Variants in ATP10B observed in about 807,000 individuals in gnomAD.
The protein encoded by ATP10B is phospholipid-transporting ATPase VB.
In ATP10B, 122 loss-of-function variants were observed where a neutral mutation model predicts 141.2. The ratio of observed to expected loss-of-function variants is 0.86; its 90% CI spans 0.75 to 1.00. The LOEUF is 1.00. Ranked by LOEUF, ATP10B falls within the 50% of genes least tolerant of loss-of-function variation. ATP10B has a pLI of 0.00. For synonymous variants in ATP10B, 685 were observed against 692.0 expected, an observed-to-expected ratio of 0.99 and a Z score of 0.16; for missense variants, 1,876 against 1,825.3, an observed-to-expected ratio of 1.03 and a Z score of -0.51.
At chr5:160,690,756 T>C (rs1389039058) in intron 3 of ATP10B, among the ~76,000 whole-genome samples, 1 of 152,166 alleles carries the variant, frequency 6.6e-6, no homozygotes, top group African/African-American at 2.4e-5. Context: ...ACACTGTTGG[T>C]GGGAGTGTAA....
chr5:160,910,356 C>A, the ATP10B span, among the ~76,000 whole-genome samples: 2 of 152,246 alleles, frequency 1.3e-5, no homozygotes, highest in African/African-American at 4.8e-5. Context: ...TTTCTGAGAT[C>A]TCCTATTTGT....
At chr5:160,653,598 CAT>C (rs1353512941) in intron 7 of ATP10B, among the ~76,000 whole-genome samples, 3,124 of 83,100 alleles carry the variant, frequency 0.038, 415 homozygotes, top group African/African-American at 0.14. Flanking sequence ...TACATATATA[CAT>C]ATATACATAT....
At chr5:160,611,238 C>A (rs1652500094) in intron 18 of ATP10B, among the ~76,000 whole-genome samples, 2 of 152,102 alleles carry the variant, frequency 1.3e-5, no homozygotes. Context: ...GCTGACTGTT[C>A]CTTAGGAGCT....
chr5:160,733,629 A>G (rs1766894180), intron 2 of ATP10B, among the ~76,000 whole-genome samples: 1 of 151,922 alleles, frequency 6.6e-6, no homozygotes, highest in Admixed American at 6.6e-5. Context: ...TATTACACAT[A>G]TATGTAACAC....
At chr5:160,927,684 A>G in the ATP10B span, among the ~76,000 whole-genome samples, 1 of 152,200 alleles carries the variant, frequency 6.6e-6, no homozygotes, top group Non-Finnish European at 1.5e-5. Flanking sequence ...CCCTGCTATT[A>G]TTAGAGACTC....
In ATP10B at chr5:160,622,449, G is replaced by C; in HGVS notation, c.1757C>G (p.Ala586Gly). The change falls in exon 14 of 26, where the codon GCC (alanine) becomes GGC (glycine). Residue 586 changes from alanine (A) to glycine (G), a missense_variant. Ala to Gly is a moderately conservative substitution (Grantham distance 60). Coordinates refer to ENST00000327245, the MANE Select transcript of ATP10B (RefSeq NM_025153.3). ...CATGACAGAGTTGCAGATGGTTAAG[G>C]CAAGGAAGAAATCAGCAATGGAGGA... ...TTSSIADFFL[A>G]LTICNSVMVS... 1 of 1,614,098 alleles carries C rather than the reference G, an allele frequency of 6.2e-7. No individual in the cohort carries two copies. Among genetic ancestry groups the C allele is most frequent in the Non-Finnish European group, 8.5e-7 (1 of 1,180,016 alleles).
intron 13 of ATP10B, among the ~76,000 whole-genome samples, chr5:160,628,779 G>A (rs1156286440): frequency 2.6e-5 from 4 of 151,726 alleles, no homozygotes; most frequent in African/African-American, 9.7e-5. Context: ...CAGACAAGGA[G>A]AAAAAAAACC....
At chr5:160,780,363 T>G (rs1342534347) in intron 2 of ATP10B, among the ~76,000 whole-genome samples, 4 of 119,668 alleles carry the variant, frequency 3.3e-5, no homozygotes, top group Non-Finnish European at 7.2e-5. Context: ...GAACATAATT[T>G]ATTCTTTTAT....
chr5:160,767,150 T>A (rs1398969152), intron 2 of ATP10B, among the ~76,000 whole-genome samples: 1 of 152,202 alleles, frequency 6.6e-6, no homozygotes, highest in Non-Finnish European at 1.5e-5. Context: ...CCATAGTGTT[T>A]TAAGAAAGTT....
the ATP10B span, among the ~76,000 whole-genome samples, chr5:160,859,249 T>G: frequency 6.6e-6 from 1 of 152,060 alleles, no homozygotes; most frequent in African/African-American, 2.4e-5. Flanking sequence ...GATTGAAACT[T>G]CTCATATAGA....
chr5:160,720,452 T>G (rs753167425), intron 2 of ATP10B, among the ~76,000 whole-genome samples: 1 of 152,364 alleles, frequency 6.6e-6, no homozygotes, highest in African/African-American at 2.4e-5. Flanking sequence ...TCTTAAACAC[T>G]TTTCTTTGCT....
intron 1 of ATP10B, among the ~76,000 whole-genome samples, chr5:160,839,065 G>T (rs757982072): frequency 6.6e-6 from 1 of 152,122 alleles, no homozygotes; most frequent in Non-Finnish European, 1.5e-5. Flanking sequence ...AGTAGATGTT[G>T]GTGCCATGCT....
chr5:160,612,597 C>G, intron 18 of ATP10B, 144 bp downstream of exon 18: 1 of 638,660 alleles, frequency 1.6e-6, no homozygotes, highest in Non-Finnish European at 2.6e-6. Context: ...CCAGGGTCCT[C>G]TAGACTCCAA....
At chr5:160,819,649 A>T (rs1442392166) in intron 1 of ATP10B, among the ~76,000 whole-genome samples, 1 of 152,208 alleles carries the variant, frequency 6.6e-6, no homozygotes, top group Non-Finnish European at 1.5e-5. Context: ...AGTAGAAGAT[A>T]TAAATAGAAA....
intron 2 of ATP10B, among the ~76,000 whole-genome samples, chr5:160,732,931 C>T (rs1766842684): frequency 6.6e-6 from 1 of 152,214 alleles, no homozygotes; most frequent in South Asian, 2.1e-4. Flanking sequence ...CATCCTTGAA[C>T]TCCTGAGGCT....
chr5:160,576,932 G>C (rs1175729699), intron 24 of ATP10B, among the ~76,000 whole-genome samples: 1 of 152,202 alleles, frequency 6.6e-6, no homozygotes, highest in African/African-American at 2.4e-5. Context: ...ATCATAGGTA[G>C]ATGTTGGCAC....
chr5:160,800,472 G>A (rs2127929478), intron 1 of ATP10B, among the ~76,000 whole-genome samples: 1 of 152,296 alleles, frequency 6.6e-6, no homozygotes, highest in Non-Finnish European at 1.5e-5. Context: ...TCAGAAACTT[G>A]TCCTTTGTTA....
chr5:160,587,843 T>C (rs142247678), intron 24 of ATP10B, among the ~76,000 whole-genome samples: 1 of 151,762 alleles, frequency 6.6e-6, no homozygotes, highest in East Asian at 1.9e-4. Flanking sequence ...AGATAATCTT[T>C]TATTTTTTCT....
At chr5:160,774,770 A>C (rs767453158) in intron 2 of ATP10B, among the ~76,000 whole-genome samples, 18 of 152,204 alleles carry the variant, frequency 1.2e-4, no homozygotes, top group Non-Finnish European at 2.2e-4. Flanking sequence ...CTTAGGCTCC[A>C]GCTGCGTCTG....
Sources: allele counts gnomAD v4.1 joint callset (sites outside exome capture counted in the v4.1 genomes callset), GRCh38; gene constraint gnomAD v4.1.1; transcripts MANE v1.5; gene names NCBI Gene and HGNC (gene_info 2026-07-23, HGNC 2026-07-21).